CELSR1: variants seen among roughly 807,000 people sequenced by gnomAD.
CELSR1 encodes adhesion G protein-coupled receptor C1.
Under a neutral mutation model 249.1 loss-of-function variants are expected in CELSR1, and 110 were observed. The observed-to-expected ratio is 0.44, with a 90% CI of 0.38 to 0.52. The LOEUF is 0.52. CELSR1 is among the 20% of genes least tolerant of loss of function. The pLI, the probability that CELSR1 is intolerant of heterozygous loss-of-function variation, is 0.00. For synonymous variants in CELSR1, 2,113 were observed against 1,900.0 expected (o/e 1.11, Z -2.92); for missense variants, 4,109 against 4,296.4 (o/e 0.96, Z 1.22).
rs1271153423 is a variant in CELSR1 at position 46,374,265 on chromosome 22, T to C, written c.7585-1208A>G. Among the ~76,000 whole-genome samples the C allele has an allele frequency of 6.6e-6, 1 of 152,164 alleles. No homozygotes were observed. Among genetic ancestry groups the C allele is most frequent in the Non-Finnish European group, 1.5e-5 (1 of 68,034 alleles). ...GGGGTGAGAAGGTTGGTTGGCTGGA[T>C]GGCTGCTTCAAGTAATGCGAAAAGT... is the stretch of plus-strand genomic sequence containing the variant. On this transcript the variant is annotated intron_variant, in intron 24 of 34. Transcript: ENST00000674500. The surrounding 1 kb of genome is among the most constrained non-coding windows in gnomAD (Gnocchi z 4.3).
chr22:46,386,376 C>T, intron 19 of CELSR1, 26 bp downstream of exon 19: 1 of 1,515,054 alleles, frequency 6.6e-7, no homozygotes, highest in Non-Finnish European at 8.9e-7. Flanking sequence ...AGCAGGGTTC[C>T]ACCCCCAACG....
In CELSR1 at chr22:46,367,789, C is replaced by T. The variant is rs1224095307; in HGVS notation, c.8019G>A (p.Leu2673=). The T allele has an allele frequency of 4.3e-6, 7 of 1,611,254 alleles. No individual in the cohort carries two copies. The South Asian group carries it at 6.6e-5, about 15-fold the overall frequency. Residue 2673 remains leucine (L), a synonymous_variant, in exon 28 of 35, where the codon CTG becomes CTA. Transcript: ENST00000674500. ...LISATWLLGL[L]AVNRDALSFH... Reference sequence around the variant, plus strand: ...AGCTCAGTGCATCGCGGTTCACAGCCAGCAGCCCCAGCAGCCAGGTGGCGC... The same window carrying T: ...AGCTCAGTGCATCGCGGTTCACAGCTAGCAGCCCCAGCAGCCAGGTGGCGC...
At chr22:46,450,304 G>A (rs990312497) in intron 2 of CELSR1, among the ~76,000 whole-genome samples, 6 of 152,240 alleles carry the variant, frequency 3.9e-5, no homozygotes, top group Admixed American at 3.3e-4. Context: ...CTACCAACTC[G>A]GCCCTGCAAG....
intron 3 of CELSR1, among the ~76,000 whole-genome samples, chr22:46,438,255 G>A (rs1234678270): frequency 6.6e-6 from 1 of 152,184 alleles, no homozygotes; most frequent in East Asian, 1.9e-4. Context: ...AGCTGGGAAC[G>A]GAGCCCGGAG....
chr22:46,398,853 G>A lies in CELSR1; in HGVS notation c.5413-216C>T, dbSNP rs2079180385. 6.6e-6 allele frequency among the ~76,000 whole-genome samples: 1 copy of A among 152,228 alleles called. No homozygotes were observed. Among genetic ancestry groups the A allele is most frequent in the African/African-American group, 2.4e-5 (1 of 41,446 alleles). ...GAGGGGACCAGGCCAGAGGATGGGTGTCCATGCCCCAGCCTAGCTGAGGCG... is the reference window on the plus strand; with the variant it reads ...GAGGGGACCAGGCCAGAGGATGGGTATCCATGCCCCAGCCTAGCTGAGGCG... On this transcript the variant is annotated intron_variant, in intron 10 of 34. Transcript: ENST00000674500. The surrounding 1 kb of genome is among the most constrained non-coding windows in gnomAD (Gnocchi z 7.2).
rs1408010721 is a variant in CELSR1, at chr22:46,412,755, C to A, written c.4612-996G>T. ...ACCCGCCCTACACAATCCATGCTGG[C>A]CACGGAACTTAAGCATGTGGGTCTC... On this transcript the variant is annotated intron_variant, in intron 5 of 34. Transcript: ENST00000674500. This position sits in a 1 kb window ranked among gnomAD's most constrained non-coding sequence, Gnocchi z 4.5. Among the ~76,000 whole-genome samples the A allele has an allele frequency of 2.0e-5, 3 of 152,218 alleles. No individual in the cohort carries two copies. Among genetic ancestry groups the A allele is most frequent in the Non-Finnish European group, 4.4e-5 (3 of 68,034 alleles).
At position 46,363,850 on chromosome 22, in the gene CELSR1, CCT is replaced by C. The variant is rs1001216174; in HGVS notation, c.9035+144_9035+145del. The C allele has an allele frequency of 1.3e-5, 15 of 1,129,710 alleles. No individual in the cohort carries two copies. The African/African-American group carries it at 1.6e-4, about 12-fold the overall frequency. The allele number at this position is 1,129,710 out of a possible 1,614,324, so 70.0% of individuals were successfully genotyped here. On this transcript the variant is annotated intron_variant, in intron 34 of 34. Transcript: ENST00000674500. This position sits in a 1 kb window ranked among gnomAD's most constrained non-coding sequence, Gnocchi z 4.3. ...CTGACCTCAGCTGCAGCGCCTCCCC[CCT>C]CCCCCATCCCCGCCTGGGCTTCCTC...
Position 46,365,592 on chromosome 22 carries a change from G to T in CELSR1, c.8398C>A (p.Pro2800Thr), listed in dbSNP as rs561098968. The T allele has an allele frequency of 3.3e-5, 53 of 1,589,250 alleles. No individual in the cohort carries two copies. The South Asian group carries it at 4.8e-4, about 14-fold the overall frequency. Residue 2800 changes from proline to threonine, a missense_variant, in exon 31 of 35, where the codon CCC (proline) becomes ACC (threonine). Around this residue, in one of 7 missense-constraint regions of CELSR1, gnomAD observed 1,805 missense variants for 1,831.6 expected, o/e 0.99. Transcript: ENST00000674500. Reference sequence around the variant, plus strand: ...CCCTCCAGGGAAGCCATACCAGGGGGATCCTTGCAGCTCCTGGGCATGAGG... The same window carrying T: ...CCCTCCAGGGAAGCCATACCAGGGGTATCCTTGCAGCTCCTGGGCATGAGG... ...ASLMPRSCKDPPGHDSDSDSE... is the reference protein window; with the variant it reads ...ASLMPRSCKDTPGHDSDSDSE...
At chr22:46,474,311 TG>T (rs1213127556) in intron 1 of CELSR1, among the ~76,000 whole-genome samples, 7 of 152,126 alleles carry the variant, frequency 4.6e-5, no homozygotes, top group Non-Finnish European at 1.0e-4. Context: ...TTGGTTTCCC[TG>T]GTTTCTCCTC....
In CELSR1 at chr22:46,362,992, G is replaced by A. The variant is rs2078722266; in HGVS notation, c.*231C>T. The A allele has an allele frequency of 1.3e-6, 1 of 787,720 alleles. No homozygotes were observed. Among genetic ancestry groups the A allele is most frequent in the Non-Finnish European group, 2.0e-6 (1 of 494,856 alleles). The allele number at this position is 787,720 out of a possible 1,614,324, so 48.8% of individuals were successfully genotyped here. ...CTCATGCCTGTGGCCTTTGGCACTT[G>A]TCACCAGGTCTGACAGGCCCTGAGC... On this transcript the variant is annotated 3_prime_UTR_variant, in exon 35 of 35. Coordinates refer to ENST00000674500, the MANE Select transcript of CELSR1 (RefSeq NM_001378328.1).
intron 5 of CELSR1, among the ~76,000 whole-genome samples, chr22:46,414,600 C>T (rs577895699): frequency 4.1e-5 from 6 of 147,182 alleles, no homozygotes; most frequent in African/African-American, 1.3e-4. Flanking sequence ...CACTCTCCCG[C>T]CTCTCGGCGA....
Position 46,488,613 on chromosome 22 carries a change from A to T in CELSR1, c.3545-24268T>A, listed in dbSNP as rs2080338575. 6.6e-6 allele frequency among the ~76,000 whole-genome samples: 1 copy of T among 151,950 alleles called. No individual in the cohort carries two copies. Among genetic ancestry groups the T allele is most frequent in the Non-Finnish European group, 1.5e-5 (1 of 68,000 alleles). On this transcript the variant is annotated intron_variant, in intron 1 of 34. Transcript: ENST00000674500. The surrounding 1 kb of genome is among the most constrained non-coding windows in gnomAD (Gnocchi z 4.7). ...CGCGCCACAGTGGAAAGTCCCCAGAAGCAGCAGTTTCTACGGCACAGCAGT... is the reference window on the plus strand; with the variant it reads ...CGCGCCACAGTGGAAAGTCCCCAGATGCAGCAGTTTCTACGGCACAGCAGT...
At chr22:46,386,822 C>A (rs147277238) in intron 18 of CELSR1, among the ~76,000 whole-genome samples, 1 of 152,144 alleles carries the variant, frequency 6.6e-6, no homozygotes, top group Non-Finnish European at 1.5e-5. Context: ...GGTGTCATCT[C>A]GGCTCACTGC....
Position 46,490,487 on chromosome 22 carries a change from A to G in CELSR1, c.3545-26142T>C, listed in dbSNP as rs1036413856. Among the ~76,000 whole-genome samples, 1 of 151,966 alleles carries G rather than the reference A, an allele frequency of 6.6e-6. No homozygotes were observed. The highest frequency in any genetic ancestry group is 1.5e-5 in the Non-Finnish European group (1 of 68,006). On this transcript the variant is annotated intron_variant, in intron 1 of 34. Coordinates refer to ENST00000674500, the MANE Select transcript of CELSR1 (RefSeq NM_001378328.1). This position sits in a 1 kb window ranked among gnomAD's most constrained non-coding sequence, Gnocchi z 5.2. ...TTTTTAGTAGAGACGGGGTTTCACCATGTTGGTCAGGCTGGTCTCGAACTC... is the reference window on the plus strand; with the variant it reads ...TTTTTAGTAGAGACGGGGTTTCACCGTGTTGGTCAGGCTGGTCTCGAACTC...
At position 46,410,949 on chromosome 22, in the gene CELSR1, T is replaced by C. The variant is rs765568004; in HGVS notation, c.4770-388A>G. ...GCCTTGAAAGGAGGCCAGAAGAAAA[T>C]GAGAACCCAGCACTTTGGGAGGCTG... On this transcript the variant is annotated intron_variant, in intron 6 of 34. Transcript: ENST00000674500. The surrounding 1 kb of genome is among the most constrained non-coding windows in gnomAD (Gnocchi z 6.8). Among the ~76,000 whole-genome samples, 1 of 151,584 alleles carries C rather than the reference T, an allele frequency of 6.6e-6. No individual in the cohort carries two copies. Among genetic ancestry groups the C allele is most frequent in the Non-Finnish European group, 1.5e-5 (1 of 67,970 alleles).
intron 1 of CELSR1, among the ~76,000 whole-genome samples, chr22:46,482,952 C>T (rs1293432649): frequency 1.3e-5 from 2 of 152,120 alleles, no homozygotes; most frequent in African/African-American, 4.8e-5. Context: ...CACACGCACA[C>T]ACAACAGAGC....
intron 14 of CELSR1, 76 bp downstream of exon 14, chr22:46,394,066 G>T: frequency 6.4e-7 from 1 of 1,550,830 alleles, no homozygotes; most frequent in Non-Finnish European, 8.8e-7. Context: ...ATGTGAAGGC[G>T]TGTGTGTATT....
intron 1 of CELSR1, among the ~76,000 whole-genome samples, chr22:46,478,392 G>C (rs901958376): frequency 2.0e-4 from 30 of 152,166 alleles, no homozygotes; most frequent in African/African-American, 7.2e-4. Flanking sequence ...AAATTTCAAA[G>C]AACAAGTGGG....
At position 46,534,188 on chromosome 22, in the gene CELSR1, T is replaced by A. The variant is rs1447726229; in HGVS notation, c.2983A>T (p.Asn995Tyr). 6.2e-7 allele frequency: 1 copy of A among 1,613,724 alleles called. No individual in the cohort carries two copies. Among genetic ancestry groups the A allele is most frequent in the African/African-American group, 1.3e-5 (1 of 74,906 alleles). ...TCGTCCTTCTCAAACATGGGGGCAT[T>A]GTCATTAATGTCCAAGATGGTCACC... ...IQVTILDIND[N>Y]APMFEKDELE... The change falls in exon 1 of 35, where the codon AAT becomes TAT. Residue 995 changes from asparagine (N) to tyrosine (Y), a missense_variant. Transcript: ENST00000674500. The surrounding 1 kb of genome is among the most constrained non-coding windows in gnomAD (Gnocchi z 9.7).
Sources: gnomAD v4.1 joint callset for allele counts (sites outside exome capture counted in the v4.1 genomes callset) on GRCh38, gnomAD v4.1.1 for gene constraint, gnomAD v4.1.1 regional missense constraint, Gnocchi (gnomAD v3.1) non-coding constraint, MANE v1.5 for transcripts, NCBI Gene and HGNC (gene_info 2026-07-23, HGNC 2026-07-21) for gene names.